GBE1: variants seen among roughly 807,000 people sequenced by gnomAD.
GBE1 encodes the protein 1,4-alpha-glucan branching enzyme 1.
Under a neutral mutation model 88.8 loss-of-function variants are expected in GBE1, and 70 were observed. The observed-to-expected ratio is 0.79, with a 90% confidence interval of 0.65 to 0.96. The LOEUF is 0.96. Ranked by LOEUF, GBE1 falls within the 40% of genes least tolerant of loss-of-function variation. The pLI is 0.00. For missense variants in GBE1, 872 were observed against 871.0 expected, an observed-to-expected ratio of 1.00 and a Z score of -0.01; for synonymous variants, 284 against 300.1, an observed-to-expected ratio of 0.95 and a Z score of 0.56.
chr3:81,603,389 T>C (rs1324208164), intron 7 of GBE1, among the ~76,000 whole-genome samples: 1 of 152,138 alleles, frequency 6.6e-6, no homozygotes, highest in South Asian at 2.1e-4. Flanking sequence ...CTAGCCAATT[T>C]TGAAAAATCA....
intron 7 of GBE1, among the ~76,000 whole-genome samples, chr3:81,614,325 C>T (rs879265483): frequency 2.0e-5 from 3 of 152,164 alleles, no homozygotes; most frequent in African/African-American, 4.8e-5. Context: ...TTCTGAACTG[C>T]GAAATTGAAG....
intron 2 of GBE1, among the ~76,000 whole-genome samples, chr3:81,702,527 G>A (rs1187848793): frequency 6.6e-6 from 1 of 151,940 alleles, no homozygotes; most frequent in African/African-American, 2.4e-5. Flanking sequence ...TTCATTTACT[G>A]TAGTCTTTTC....
At chr3:81,534,589 T>C (rs2106868536) in intron 14 of GBE1, 1 of 152,186 alleles carries the variant, frequency 6.6e-6, no homozygotes, top group Non-Finnish European at 1.5e-5. Flanking sequence ...TACAAAGGTA[T>C]GCTGTGTCTT....
chr3:81,519,554 T>C lies in GBE1; in HGVS notation c.1934+15641A>G, dbSNP rs149623791. On this transcript the variant is annotated intron_variant, in intron 14 of 15. Coordinates refer to ENST00000429644, the MANE Select transcript of GBE1 (RefSeq NM_000158.4). ...TCTCAGAATGATATTTATCTGTATA[T>C]ACCAACACAAACACTTTATAAATAA... Among the ~76,000 whole-genome samples, 358 of 150,124 alleles carry C rather than the reference T, an allele frequency of 2.4e-3. 2 individuals carry two copies. The highest frequency in any genetic ancestry group is 8.4e-3 in the African/African-American group (342 of 40,756).
At chr3:81,666,342 T>A (rs574756797) in intron 3 of GBE1, among the ~76,000 whole-genome samples, 1 of 152,346 alleles carries the variant, frequency 6.6e-6, no homozygotes, top group African/African-American at 2.4e-5. Context: ...TCTTTCCATA[T>A]TTTTTAAATT....
At chr3:81,655,874 CATAG>C (rs376163660) in intron 3 of GBE1, among the ~76,000 whole-genome samples, 57 of 152,156 alleles carry the variant, frequency 3.7e-4, no homozygotes, top group East Asian at 3.5e-3. Context: ...TTTTAAAATG[CATAG>C]ATAGAATTTA....
chr3:81,525,942 C>T (rs1257493471), intron 14 of GBE1, among the ~76,000 whole-genome samples: 3 of 151,974 alleles, frequency 2.0e-5, no homozygotes, highest in African/African-American at 2.4e-5. Flanking sequence ...ATTAGTCTTC[C>T]TAGCGGTCTA....
intron 1 of GBE1, among the ~76,000 whole-genome samples, chr3:81,720,861 C>T (rs1195812819): frequency 1.4e-5 from 2 of 147,300 alleles, no homozygotes; most frequent in East Asian, 2.0e-4. Flanking sequence ...CCATGGAATA[C>T]TATGCAGCCA....
At chr3:81,505,795 A>G (rs933824830) in intron 14 of GBE1, among the ~76,000 whole-genome samples, 8 of 151,940 alleles carry the variant, frequency 5.3e-5, no homozygotes, top group Non-Finnish European at 7.4e-5. Flanking sequence ...AGGTAATTCT[A>G]TCTTTACTTC....
chr3:81,507,836 A>G (rs1445450937), intron 14 of GBE1, among the ~76,000 whole-genome samples: 1 of 152,194 alleles, frequency 6.6e-6, no homozygotes, highest in Non-Finnish European at 1.5e-5. Flanking sequence ...GTACATTTTA[A>G]TTAAGTGCAA....
rs778539439 is a variant in GBE1, at chr3:81,578,052, G to A, written c.1491C>T (p.Ala497=). The change falls in exon 12 of 16, where the codon GCC becomes GCT. Residue 497 remains alanine (A), a synonymous_variant. Coordinates refer to ENST00000429644, the MANE Select transcript of GBE1 (RefSeq NM_000158.4). The part of the protein sequence containing the change: ...DKSLAFWLMD[A]EMYTNMSVLT... ...GGACACTCATGTTTGTATACATTTCGGCATCCATCAACCAAAATGCCAGCG... is the reference window on the plus strand; with the variant it reads ...GGACACTCATGTTTGTATACATTTCAGCATCCATCAACCAAAATGCCAGCG... 1.1e-5 allele frequency: 17 copies of A among 1,607,372 alleles called. No individual in the cohort carries two copies. Among genetic ancestry groups the A allele is most frequent in the Middle Eastern group, 1.6e-4 (1 of 6,068 alleles).
intron 11 of GBE1, among the ~76,000 whole-genome samples, chr3:81,580,375 A>G (rs1354885568): frequency 6.6e-6 from 1 of 152,116 alleles, no homozygotes; most frequent in Non-Finnish European, 1.5e-5. Flanking sequence ...TGGGACAACT[A>G]ATTTTTCCCT....
intron 7 of GBE1, chr3:81,612,538 G>A (rs984808250): frequency 2.6e-5 from 22 of 841,344 alleles, no homozygotes; most frequent in Middle Eastern, 3.7e-4. Context: ...CAAGCAGTGC[G>A]AACACTGGTG....
chr3:81,702,878 C>T lies in GBE1; in HGVS notation c.313+2566G>A, dbSNP rs552510949. 5.9e-5 allele frequency among the ~76,000 whole-genome samples: 9 copies of T among 152,020 alleles called. No individual in the cohort carries two copies. In the South Asian group the frequency reaches 1.2e-3, roughly 21 times the overall value. On this transcript the variant is annotated intron_variant, in intron 2 of 15. Coordinates refer to ENST00000429644, the MANE Select transcript of GBE1 (RefSeq NM_000158.4). ...AATGCAATTCTACAAACACACACAG[C>T]GCAACTTTTAATAAATGAGCAATAG...
At chr3:81,563,045 C>T (rs192069874) in intron 12 of GBE1, among the ~76,000 whole-genome samples, 11 of 152,108 alleles carry the variant, frequency 7.2e-5, no homozygotes, top group African/African-American at 1.7e-4. Context: ...CTCATCACTA[C>T]GTTCTATGAG....
At chr3:81,568,393 C>T (rs1014188695) in intron 12 of GBE1, among the ~76,000 whole-genome samples, 21 of 152,122 alleles carry the variant, frequency 1.4e-4, no homozygotes, top group Admixed American at 5.2e-4. Flanking sequence ...AGTGATCCAC[C>T]GGCCTCAGCC....
At chr3:81,703,395 A>G (rs17019211) in intron 2 of GBE1, among the ~76,000 whole-genome samples, 1,764 of 152,074 alleles carry the variant, frequency 0.012, 44 homozygotes, top group African/African-American at 0.04. Flanking sequence ...CTCGAGACAC[A>G]TCTAATTTTT....
At chr3:81,586,305 G>A in intron 9 of GBE1, 115 bp from the exon 10 acceptor site, 2 of 660,334 alleles carry the variant, frequency 3.0e-6, no homozygotes, top group South Asian at 2.0e-5. Flanking sequence ...GGGCTGCTTT[G>A]GTAACATAAA....
In GBE1 at chr3:81,509,288, G is replaced by T. The variant is rs1048907281; in HGVS notation, c.1935-10061C>A. 1.2e-4 allele frequency among the ~76,000 whole-genome samples: 17 copies of T among 142,536 alleles called. 1 individual carries two copies. The highest frequency in any genetic ancestry group is 2.5e-5 in the African/African-American group (1 of 39,438). The allele number at this position is 142,536 out of a possible 152,430, so 93.5% of individuals were successfully genotyped here. ...CTAGAGTCTTTTTTTAAATTTTAGG[G>T]TTTGTCTTTTTTTTTTTTTTTTTAT... On this transcript the variant is annotated intron_variant, in intron 14 of 15. Transcript: ENST00000429644.
Sources: gnomAD v4.1 joint callset for allele counts (sites outside exome capture counted in the v4.1 genomes callset) on GRCh38, gnomAD v4.1.1 for gene constraint, MANE v1.5 for transcripts, NCBI Gene and HGNC (gene_info 2026-07-23, HGNC 2026-07-21) for gene names.